Variants in TMEM51 observed in about 807,000 individuals in gnomAD.
TMEM51 encodes transmembrane protein 51.
Under a neutral mutation model 13.6 loss-of-function variants are expected in TMEM51, and 8 were observed. The observed-to-expected ratio is 0.59, with a 90% CI of 0.35 to 1.07. The LOEUF is 1.07. TMEM51 is among the 50% of genes least tolerant of loss of function. TMEM51 has a pLI of 0.02. For synonymous variants in TMEM51, 147 were observed against 144.4 expected (o/e 1.02, Z -0.13); for missense variants, 279 against 330.7 (o/e 0.84, Z 1.21).
chr1:15,208,750 A>G (rs1644291556), intron 1 of TMEM51, among the ~76,000 whole-genome samples: 1 of 152,100 alleles, frequency 6.6e-6, no homozygotes, highest in Non-Finnish European at 1.5e-5. Flanking sequence ...GCCAATGAGG[A>G]GCAGAAAGGA....
intron 1 of TMEM51, among the ~76,000 whole-genome samples, chr1:15,209,980 G>C (rs1644312944): frequency 6.6e-6 from 1 of 152,076 alleles, no homozygotes; most frequent in Non-Finnish European, 1.5e-5. Flanking sequence ...GCAGTGAGCT[G>C]AGATCACACC....
chr1:15,155,462 G>A (rs1416885142), intron 1 of TMEM51, among the ~76,000 whole-genome samples: 1 of 152,260 alleles, frequency 6.6e-6, no homozygotes, highest in African/African-American at 2.4e-5. Flanking sequence ...TTTATGCCTA[G>A]CACATGAAGT....
intron 1 of TMEM51, among the ~76,000 whole-genome samples, chr1:15,196,077 A>G (rs1644041486): frequency 6.6e-6 from 1 of 152,102 alleles, no homozygotes; most frequent in Admixed American, 6.5e-5. Context: ...CACTCACTGC[A>G]TCTGACAATT....
chr1:15,203,816 G>A (rs1255356088), intron 1 of TMEM51, among the ~76,000 whole-genome samples: 1 of 152,192 alleles, frequency 6.6e-6, no homozygotes, highest in African/African-American at 2.4e-5. Context: ...GTAGATCCCA[G>A]TAAAATTTAC....
chr1:15,156,577 G>T (rs1483357762), intron 1 of TMEM51, among the ~76,000 whole-genome samples: 4 of 152,238 alleles, frequency 2.6e-5, no homozygotes, highest in African/African-American at 9.6e-5. Flanking sequence ...TTTTGTTTCT[G>T]CTCTGAAGCT....
At chr1:15,205,495 C>T (rs905510092) in intron 1 of TMEM51, among the ~76,000 whole-genome samples, 6 of 152,188 alleles carry the variant, frequency 3.9e-5, no homozygotes, top group Non-Finnish European at 8.8e-5. Context: ...GAGCTGCATG[C>T]GTATCTTCCT....
chr1:15,171,652 C>T (rs114640796), intron 1 of TMEM51, among the ~76,000 whole-genome samples: 4,331 of 152,324 alleles, frequency 0.028, 194 homozygotes, highest in African/African-American at 0.099. Context: ...ATGGTCGCTG[C>T]TTCACTTCCA....
At position 15,184,698 on chromosome 1, in the gene TMEM51, C is replaced by G. The variant is rs139495524; in HGVS notation, c.-266-25792C>G. Among the ~76,000 whole-genome samples the G allele has an allele frequency of 7.2e-5, 11 of 152,174 alleles. No homozygotes were observed. In the East Asian group the frequency reaches 2.1e-3, roughly 29 times the overall value. The stretch of plus-strand genomic sequence containing the variant: ...AAACCTTTGGACAGGTAAAATCAAC[C>G]ACACTTGCTGAGGTGTTAAATAAAG... On this transcript the variant is annotated intron_variant, in intron 1 of 3. Coordinates refer to ENST00000376008, the MANE Select transcript of TMEM51 (RefSeq NM_001136218.2).
chr1:15,189,336 G>A (rs1237294923), intron 1 of TMEM51, among the ~76,000 whole-genome samples: 6 of 150,286 alleles, frequency 4.0e-5, no homozygotes, highest in South Asian at 2.1e-4. Context: ...GATTACAGGC[G>A]TGAGCTACCT....
At chr1:15,218,937 A>G (rs1166747110) in intron 3 of TMEM51, among the ~76,000 whole-genome samples, 2 of 152,190 alleles carry the variant, frequency 1.3e-5, no homozygotes, top group Non-Finnish European at 2.9e-5. Flanking sequence ...TGTACTGCCT[A>G]TGAGTTAGCC....
At position 15,154,790 on chromosome 1, in the gene TMEM51, G is replaced by A. The variant is rs1388138719; in HGVS notation, c.-267+836G>A. Reference sequence around the variant, plus strand: ...GGGAGCAGCCCGTGGGGTGTCCTGCGCAGCGCTCCGAGGTGCCTGTGACGG... The same window carrying A: ...GGGAGCAGCCCGTGGGGTGTCCTGCACAGCGCTCCGAGGTGCCTGTGACGG... On this transcript the variant is annotated intron_variant, in intron 1 of 3. Transcript: ENST00000376008. 1.3e-5 allele frequency among the ~76,000 whole-genome samples: 2 copies of A among 152,218 alleles called. 1 individual carries two copies. The highest frequency in any genetic ancestry group is 4.2e-4 in the South Asian group (2 of 4,818).
chr1:15,186,803 G>A (rs1184415124), intron 1 of TMEM51, among the ~76,000 whole-genome samples: 2 of 109,496 alleles, frequency 1.8e-5, no homozygotes, highest in Admixed American at 2.2e-4. Flanking sequence ...GCAGTGGAGA[G>A]AGGGCAGGCC....
intron 1 of TMEM51, among the ~76,000 whole-genome samples, chr1:15,184,876 G>A (rs578083669): frequency 6.6e-6 from 1 of 151,858 alleles, no homozygotes; most frequent in Non-Finnish European, 1.5e-5. Flanking sequence ...CTGGGGAGAT[G>A]CTATTGGTAT....
chr1:15,156,227 T>A (rs1642588309), intron 1 of TMEM51, among the ~76,000 whole-genome samples: 1 of 152,116 alleles, frequency 6.6e-6, no homozygotes, highest in South Asian at 2.1e-4. Flanking sequence ...TGGCTCCAGA[T>A]GTCACGAGGC....
chr1:15,181,086 C>T (rs1169820703), intron 1 of TMEM51, among the ~76,000 whole-genome samples: 1 of 152,124 alleles, frequency 6.6e-6, no homozygotes, highest in Non-Finnish European at 1.5e-5. Context: ...ATTTCACATC[C>T]CTCTTCTACC....
intron 1 of TMEM51, among the ~76,000 whole-genome samples, chr1:15,182,161 C>CAAATAAAT (rs56106721): frequency 1.9e-4 from 27 of 139,474 alleles, no homozygotes; most frequent in Non-Finnish European, 2.9e-4. Flanking sequence ...AACTCCATCT[C>CAAATAAAT]AAATAAATAA....
intron 1 of TMEM51, among the ~76,000 whole-genome samples, chr1:15,186,232 C>T (rs1167543141): frequency 6.6e-6 from 1 of 152,166 alleles, no homozygotes; most frequent in South Asian, 2.1e-4. Flanking sequence ...CACTGGGGAG[C>T]CACTGAAAGT....
At position 15,220,235 on chromosome 1, in the gene TMEM51, C is replaced by A; in HGVS notation, c.*492C>A. The A allele has an allele frequency of 6.2e-6, 1 of 161,414 alleles. No homozygotes were observed. Among genetic ancestry groups the A allele is most frequent in the Admixed American group, 5.7e-5 (1 of 17,416 alleles). The allele number at this position is 161,414 out of a possible 1,614,324, so 10.0% of individuals were successfully genotyped here. A position where few individuals can be genotyped will look rare whatever the true frequency, so the allele number is the denominator to read the frequency against. ...AAAGGACACAGGGCTGTTTTATGAA[C>A]TAAGCGGTGAGGCTCAGGTGGCGGC... is the stretch of plus-strand genomic sequence containing the variant. On this transcript the variant is annotated 3_prime_UTR_variant, in exon 4 of 4. Coordinates refer to ENST00000376008, the MANE Select transcript of TMEM51 (RefSeq NM_001136218.2).
chr1:15,196,527 A>G (rs751574649), intron 1 of TMEM51, among the ~76,000 whole-genome samples: 4 of 152,142 alleles, frequency 2.6e-5, no homozygotes, highest in Non-Finnish European at 4.4e-5. Context: ...GTGCACCAGC[A>G]CACACAGCAA....
Sources: gnomAD v4.1 joint callset for allele counts (sites outside exome capture counted in the v4.1 genomes callset) on GRCh38, gnomAD v4.1.1 for gene constraint, MANE v1.5 for transcripts, NCBI Gene and HGNC (gene_info 2026-07-23, HGNC 2026-07-21) for gene names.